MIB1: variants seen among roughly 807,000 people sequenced by gnomAD.
The protein encoded by MIB1 is E3 ubiquitin-protein ligase MIB1.
MIB1 carries 278 observed loss-of-function variants against 124.5 expected under a neutral mutation model. That is an observed-to-expected ratio of 2.23 (90% CI 2.02 to 2.47). The LOEUF is 2.47. Ranked by LOEUF, MIB1 falls within the 30% of genes most tolerant of loss-of-function variation. The probability of loss-of-function intolerance (pLI) is 0.00; values close to 1 mark genes in which losing one functional copy is unlikely to be tolerated. For missense variants in MIB1, 957 were observed against 1,254.4 expected (o/e 0.76, Z 3.58); for synonymous variants, 446 against 429.4 (o/e 1.04, Z -0.48).
intron 1 of MIB1, among the ~76,000 whole-genome samples, chr18:21,718,890 A>G (rs1178381158): frequency 6.6e-6 from 1 of 152,268 alleles, no homozygotes; most frequent in South Asian, 2.1e-4. Context: ...CATCTCTACA[A>G]AAACAATTTT....
At chr18:21,823,922 A>G (rs1359176276) in intron 12 of MIB1, among the ~76,000 whole-genome samples, 1 of 152,196 alleles carries the variant, frequency 6.6e-6, no homozygotes, top group Non-Finnish European at 1.5e-5. Flanking sequence ...TCTGCTGATA[A>G]AAGTGAAAAC....
chr18:21,752,708 C>T (rs188113515), intron 1 of MIB1, among the ~76,000 whole-genome samples: 3 of 152,252 alleles, frequency 2.0e-5, no homozygotes, highest in Admixed American at 1.3e-4. Flanking sequence ...CTTTGAGAAG[C>T]AACTTGGCAA....
At chr18:21,780,409 C>T (rs2041346626) in intron 6 of MIB1, among the ~76,000 whole-genome samples, 1 of 152,206 alleles carries the variant, frequency 6.6e-6, no homozygotes, top group South Asian at 2.1e-4. Context: ...TTCCCAGCCT[C>T]TGGTAACCAC....
At chr18:21,814,864 G>A (rs2041810573) in intron 10 of MIB1, among the ~76,000 whole-genome samples, 1 of 150,798 alleles carries the variant, frequency 6.6e-6, no homozygotes, top group Non-Finnish European at 1.5e-5. Flanking sequence ...GTGAGCCACT[G>A]CGCCTGGCCT....
upstream of MIB1, among the ~76,000 whole-genome samples, chr18:21,739,519 CT>C (rs747727743): frequency 6.6e-6 from 1 of 152,130 alleles, no homozygotes; most frequent in Non-Finnish European, 1.5e-5. Context: ...GCCAATATCC[CT>C]GATGAACATC....
chr18:21,779,696 T>G lies in MIB1; in HGVS notation c.908+11T>G, dbSNP rs747807993. The stretch of plus-strand genomic sequence containing the variant: ...TCCAAGTGGCAATAGGTGGGTGATA[T>G]CTCTCAATTTTTGACAATGACAAAT... On this transcript the variant is annotated intron_variant, in intron 6 of 20. Transcript: ENST00000261537. The G allele has an allele frequency of 2.1e-5, 34 of 1,602,288 alleles. No homozygotes were observed. The highest frequency in any genetic ancestry group is 2.8e-5 in the Non-Finnish European group (33 of 1,169,672).
At chr18:21,776,590 A>G (rs180954152) in intron 4 of MIB1, among the ~76,000 whole-genome samples, 12 of 152,334 alleles carry the variant, frequency 7.9e-5, no homozygotes, top group Non-Finnish European at 1.6e-4. Context: ...TAATTATACC[A>G]CAGCTACCTC....
intron 1 of MIB1, among the ~76,000 whole-genome samples, chr18:21,708,240 A>G (rs1028538934): frequency 6.6e-6 from 1 of 152,202 alleles, no homozygotes; most frequent in Non-Finnish European, 1.5e-5. Context: ...TATCCACCAA[A>G]CTTAGGCAAA....
chr18:21,853,385 T>A (rs1252268356), intron 18 of MIB1, among the ~76,000 whole-genome samples, 167 bp downstream of exon 18: 1 of 152,242 alleles, frequency 6.6e-6, no homozygotes, highest in Non-Finnish European at 1.5e-5. Context: ...GTCAGCTGTT[T>A]CCCTCCATGC....
At chr18:21,713,612 C>CAAAAAA (rs57282241) in intron 1 of MIB1, among the ~76,000 whole-genome samples, 5 of 44,208 alleles carry the variant, frequency 1.1e-4, no homozygotes, top group South Asian at 7.2e-4. Context: ...GATTCTGTCT[C>CAAAAAA]AAAAAAAAAA....
upstream of MIB1, among the ~76,000 whole-genome samples, chr18:21,740,685 C>T (rs2040835093): frequency 6.6e-6 from 1 of 152,358 alleles, no homozygotes; most frequent in Admixed American, 6.5e-5. Flanking sequence ...GCGGCACCAC[C>T]GGGCGGCAAC....
At chr18:21,769,401 C>T (rs773242254) in intron 3 of MIB1, among the ~76,000 whole-genome samples, 4 of 152,152 alleles carry the variant, frequency 2.6e-5, no homozygotes, top group African/African-American at 7.2e-5. Flanking sequence ...TGAATAAAAA[C>T]GGTACAGTGG....
intron 12 of MIB1, chr18:21,831,035 A>C (rs2041974758): frequency 6.6e-6 from 1 of 151,208 alleles, no homozygotes; most frequent in Non-Finnish European, 1.5e-5. Context: ...AAATGAACCT[A>C]GCTTGTCAGA....
At chr18:21,849,492 T>A (rs2042164037) in intron 17 of MIB1, 104 bp downstream of exon 17, 1 of 565,758 alleles carries the variant, frequency 1.8e-6, no homozygotes. Context: ...ATTTTGCTCT[T>A]CCAAACAATG....
chr18:21,792,417 C>G (rs556497025), intron 7 of MIB1, among the ~76,000 whole-genome samples: 40 of 152,230 alleles, frequency 2.6e-4, no homozygotes, highest in African/African-American at 9.4e-4. Flanking sequence ...CTCTTCCCAT[C>G]CAGCCCCAAC....
intron 1 of MIB1, among the ~76,000 whole-genome samples, chr18:21,719,103 G>A (rs1287323241): frequency 3.3e-5 from 5 of 151,520 alleles, no homozygotes; most frequent in African/African-American, 9.7e-5. Context: ...CAGGAGAATC[G>A]TTTGAACCCA....
At chr18:21,743,940 A>T (rs2040884584) in intron 1 of MIB1, among the ~76,000 whole-genome samples, 1 of 152,160 alleles carries the variant, frequency 6.6e-6, no homozygotes, top group Non-Finnish European at 1.5e-5. Flanking sequence ...TTAGAATCTT[A>T]GTTTAATAAG....
At chr18:21,759,833 T>A (rs1441576921) in intron 1 of MIB1, among the ~76,000 whole-genome samples, 2 of 152,246 alleles carry the variant, frequency 1.3e-5, no homozygotes, top group Non-Finnish European at 2.9e-5. Context: ...AACATTTTAC[T>A]TAAATCAGTG....
intron 1 of MIB1, among the ~76,000 whole-genome samples, chr18:21,730,349 C>G (rs2040763024): frequency 1.3e-5 from 2 of 152,236 alleles, no homozygotes; most frequent in African/African-American, 4.8e-5. Context: ...GGTGGATCAC[C>G]TGAGGTCAGG....
Sources: allele counts gnomAD v4.1 joint callset (sites outside exome capture counted in the v4.1 genomes callset), GRCh38; gene constraint gnomAD v4.1.1; transcripts MANE v1.5; gene names NCBI Gene and HGNC (gene_info 2026-07-23, HGNC 2026-07-21).